Variants in MYO3B observed in about 807,000 individuals in gnomAD.
The protein encoded by MYO3B is myosin IIIB, also known as myosin-IIIb.
Under a neutral mutation model 174.6 loss-of-function variants are expected in MYO3B, and 156 were observed. The ratio of observed to expected loss-of-function variants is 0.89; its 90% confidence interval spans 0.78 to 1.02. The LOEUF (loss-of-function observed/expected upper bound fraction) is 1.02, where lower values mean the gene tolerates loss of function less well. Ranked by LOEUF, MYO3B falls within the 50% of genes least tolerant of loss-of-function variation. The probability of loss-of-function intolerance (pLI) is 0.00; values close to 1 mark genes in which losing one functional copy is unlikely to be tolerated. For missense variants in MYO3B, 1,632 were observed against 1,639.4 expected (o/e 1.00, Z 0.08); for synonymous variants, 563 against 569.1 (o/e 0.99, Z 0.15).
intron 7 of MYO3B, among the ~76,000 whole-genome samples, chr2:170,244,933 C>A (rs1202364261): frequency 6.6e-6 from 1 of 151,980 alleles, no homozygotes; most frequent in Non-Finnish European, 1.5e-5. Context: ...GAATCACAGC[C>A]CGGGAAAGAT....
At chr2:170,456,787 A>G (rs1166621080) in intron 23 of MYO3B, among the ~76,000 whole-genome samples, 1 of 152,232 alleles carries the variant, frequency 6.6e-6, no homozygotes, top group Non-Finnish European at 1.5e-5. Context: ...ATTAATGAGG[A>G]AAACAGAGGC....
At position 170,235,972 on chromosome 2, in the gene MYO3B, T is replaced by A. The variant is rs1348633716; in HGVS notation, c.604-19T>A. Reference sequence around the variant, plus strand: ...GTGGCAGTAGGGTTGATGTGTCATGTCCTGCTTTTGTCCAATAGGTCATTG... The same window carrying A: ...GTGGCAGTAGGGTTGATGTGTCATGACCTGCTTTTGTCCAATAGGTCATTG... On this transcript the variant is annotated intron_variant, in intron 6 of 34. Transcript: ENST00000408978. 1 of 1,613,562 alleles carries A rather than the reference T, an allele frequency of 6.2e-7. No homozygotes were observed. The highest frequency in any genetic ancestry group is 1.3e-5 in the African/African-American group (1 of 74,924).
At chr2:170,392,808 T>A (rs1179466537) in intron 16 of MYO3B, among the ~76,000 whole-genome samples, 2 of 152,080 alleles carry the variant, frequency 1.3e-5, no homozygotes, top group Admixed American at 6.5e-5. Flanking sequence ...TAAATTGTTA[T>A]CATTGTCATC....
chr2:170,635,602 T>TTAAAG (rs1464076599), intron 32 of MYO3B, among the ~76,000 whole-genome samples: 2 of 152,112 alleles, frequency 1.3e-5, no homozygotes, highest in Non-Finnish European at 2.9e-5. Context: ...ACCCTAGAAC[T>TTAAAG]TAAAGTATAA....
chr2:170,539,623 ATT>A (rs60303631), intron 30 of MYO3B, among the ~76,000 whole-genome samples: 101 of 148,626 alleles, frequency 6.8e-4, no homozygotes, highest in East Asian at 7.8e-4. Context: ...TTATTTATTT[ATT>A]TTTTTTTTTT....
intron 22 of MYO3B, among the ~76,000 whole-genome samples, chr2:170,425,271 C>T (rs1173025946): frequency 6.6e-6 from 1 of 152,220 alleles, no homozygotes; most frequent in Non-Finnish European, 1.5e-5. Flanking sequence ...TTCTAACAGT[C>T]TGGTCCATAT....
chr2:170,565,314 G>A (rs536836889), intron 32 of MYO3B, among the ~76,000 whole-genome samples: 2 of 152,100 alleles, frequency 1.3e-5, no homozygotes, highest in Non-Finnish European at 2.9e-5. Context: ...TCCTTTGTAC[G>A]TAATTGGATT....
chr2:170,582,230 G>A (rs1178030993), intron 32 of MYO3B, among the ~76,000 whole-genome samples: 4 of 152,224 alleles, frequency 2.6e-5, no homozygotes, highest in Admixed American at 1.3e-4. Context: ...AGGAAGCAAA[G>A]GGATAGGAGC....
intron 7 of MYO3B, among the ~76,000 whole-genome samples, chr2:170,326,660 A>G (rs1205620291): frequency 6.6e-6 from 1 of 152,170 alleles, no homozygotes; most frequent in African/African-American, 2.4e-5. Context: ...TGAATTGCTT[A>G]TGCGTCCTGT....
At chr2:170,221,907 T>C (rs2092905317) in intron 6 of MYO3B, among the ~76,000 whole-genome samples, 1 of 152,154 alleles carries the variant, frequency 6.6e-6, no homozygotes, top group Non-Finnish European at 1.5e-5. Context: ...ACACACTGTA[T>C]GTGAGTAGCA....
intron 7 of MYO3B, among the ~76,000 whole-genome samples, chr2:170,328,211 A>T (rs535129550): frequency 6.6e-6 from 1 of 152,156 alleles, no homozygotes; most frequent in Non-Finnish European, 1.5e-5. Flanking sequence ...ACATATGCAT[A>T]TTTTGAATAT....
At chr2:170,431,985 A>C (rs1029716243) in intron 22 of MYO3B, among the ~76,000 whole-genome samples, 2 of 152,254 alleles carry the variant, frequency 1.3e-5, no homozygotes, top group African/African-American at 4.8e-5. Context: ...GTTTGTGGTG[A>C]TGCTGATATA....
At chr2:170,324,748 A>G (rs1431232562) in intron 7 of MYO3B, among the ~76,000 whole-genome samples, 1 of 152,216 alleles carries the variant, frequency 6.6e-6, no homozygotes, top group African/African-American at 2.4e-5. Context: ...AAGCTTTGTC[A>G]GCAGAGGGCA....
intron 32 of MYO3B, among the ~76,000 whole-genome samples, chr2:170,584,294 A>T (rs1313678371): frequency 6.6e-6 from 1 of 151,642 alleles, no homozygotes; most frequent in Non-Finnish European, 1.5e-5. Flanking sequence ...AAAGCTATGG[A>T]TAAAGTTTTT....
chr2:170,226,499 G>T (rs1053878412), intron 6 of MYO3B, among the ~76,000 whole-genome samples: 1 of 152,198 alleles, frequency 6.6e-6, no homozygotes, highest in Admixed American at 6.5e-5. Flanking sequence ...AACGGCCCAA[G>T]GTGCAAGGGG....
At chr2:170,634,626 A>C (rs1261551391) in intron 32 of MYO3B, among the ~76,000 whole-genome samples, 6 of 152,240 alleles carry the variant, frequency 3.9e-5, no homozygotes, top group Admixed American at 3.3e-4. Flanking sequence ...AATGGGATCT[A>C]ATTAAACTAA....
chr2:170,334,633 G>C (rs1240143784), intron 7 of MYO3B: 1 of 152,034 alleles, frequency 6.6e-6, no homozygotes, highest in East Asian at 1.9e-4. Context: ...AGGTAATATA[G>C]TCACTTCTGT....
chr2:170,313,589 C>G (rs138354090), intron 7 of MYO3B, among the ~76,000 whole-genome samples: 65 of 152,268 alleles, frequency 4.3e-4, no homozygotes, highest in African/African-American at 1.5e-3. Flanking sequence ...GATATGCAGC[C>G]AGCCACCTGG....
At chr2:170,603,749 C>T (rs1283027229) in intron 32 of MYO3B, among the ~76,000 whole-genome samples, 1 of 152,140 alleles carries the variant, frequency 6.6e-6, no homozygotes, top group Non-Finnish European at 1.5e-5. Flanking sequence ...CATAAATATT[C>T]ATCAGTAGAA....
Sources: gnomAD v4.1 joint callset for allele counts (sites outside exome capture counted in the v4.1 genomes callset) on GRCh38, gnomAD v4.1.1 for gene constraint, MANE v1.5 for transcripts, NCBI Gene and HGNC (gene_info 2026-07-23, HGNC 2026-07-21) for gene names.